Variants in FAM193A observed in about 807,000 individuals in gnomAD.
FAM193A encodes the protein family with sequence similarity 193 member A, also known as protein FAM193A.
FAM193A carries 22 observed loss-of-function variants against 126.5 expected under a neutral mutation model. The ratio of observed to expected loss-of-function variants is 0.17; its 90% confidence interval spans 0.12 to 0.25. The LOEUF is 0.25. FAM193A is among the 10% of genes least tolerant of loss of function. The probability of loss-of-function intolerance (pLI) is 1.00; values close to 1 mark genes in which losing one functional copy is unlikely to be tolerated. For synonymous variants in FAM193A, 761 were observed against 646.8 expected (o/e 1.18, Z -2.68); for missense variants, 1,675 against 1,672.8 (o/e 1.00, Z -0.02).
chr4:2,608,091 A>G, intron 2 of FAM193A: 11 of 1,609,412 alleles, frequency 6.8e-6, no homozygotes, highest in Non-Finnish European at 9.3e-6. Context: ...ATTCACTCCC[A>G]GATTAGTGCT....
intron 19 of FAM193A, among the ~76,000 whole-genome samples, chr4:2,713,369 G>A (rs1332170832): frequency 6.6e-6 from 1 of 152,172 alleles, no homozygotes; most frequent in Non-Finnish European, 1.5e-5. Context: ...TCGTGCCACT[G>A]CACTCCAGCC....
intron 1 of FAM193A, among the ~76,000 whole-genome samples, chr4:2,594,444 C>T (rs1288363295): frequency 1.3e-5 from 2 of 152,162 alleles, no homozygotes; most frequent in Admixed American, 1.3e-4. Context: ...GCCAGAACAG[C>T]GTCAGCTGGG....
Position 2,731,994 on chromosome 4 carries a change from T to TGAAACCCC in FAM193A, c.*127_*134dup. 1 of 760,962 alleles carries TGAAACCCC rather than the reference T, an allele frequency of 1.3e-6. No individual in the cohort carries two copies. The highest frequency in any genetic ancestry group is 1.7e-5 in the African/African-American group (1 of 58,630). 47.1% of individuals were successfully genotyped at this position (760,962 alleles called of 1,614,324 possible). On this transcript the variant is annotated 3_prime_UTR_variant, in exon 21 of 21. Transcript: ENST00000637812. ...AGGGCTGTGCGGAGCTGGTGCTGCC[T>TGAAACCCC]GAAACCCCAGACCGAGAAGTTGATG...
intron 13 of FAM193A, among the ~76,000 whole-genome samples, chr4:2,677,438 T>G (rs183641445): frequency 2.6e-5 from 4 of 152,164 alleles, no homozygotes; most frequent in African/African-American, 9.6e-5. Flanking sequence ...TTTTGTTTTT[T>G]TTGTAGAGAT....
intron 1 of FAM193A, among the ~76,000 whole-genome samples, chr4:2,558,480 CAA>C (rs1263014751): frequency 6.6e-6 from 1 of 152,144 alleles, no homozygotes; most frequent in Admixed American, 6.6e-5. Flanking sequence ...CTCCTAGGCT[CAA>C]GAGATCCTCC....
intron 2 of FAM193A, among the ~76,000 whole-genome samples, chr4:2,605,461 G>T (rs960004652): frequency 2.6e-5 from 4 of 152,070 alleles, no homozygotes; most frequent in African/African-American, 9.7e-5. Flanking sequence ...CATAAATCTT[G>T]TTTCTCTATT....
chr4:2,555,689 C>T (rs1738208179), intron 1 of FAM193A, among the ~76,000 whole-genome samples: 1 of 152,318 alleles, frequency 6.6e-6, no homozygotes, highest in East Asian at 1.9e-4. Flanking sequence ...GCAATCTCGG[C>T]TCGCCGCAAG....
chr4:2,672,874 T>C (rs1713979784), intron 13 of FAM193A, among the ~76,000 whole-genome samples: 1 of 152,106 alleles, frequency 6.6e-6, no homozygotes, highest in Non-Finnish European at 1.5e-5. Context: ...CACAGAAAAC[T>C]ATAACGCCCT....
chr4:2,573,340 C>T (rs151182802), intron 1 of FAM193A, among the ~76,000 whole-genome samples: 23 of 152,036 alleles, frequency 1.5e-4, no homozygotes, highest in African/African-American at 2.4e-4. Context: ...TGGTGAAACC[C>T]GTCTCTACTA....
chr4:2,545,392 AT>A (rs34669440), intron 1 of FAM193A, among the ~76,000 whole-genome samples: 12 of 149,756 alleles, frequency 8.0e-5, no homozygotes, highest in Non-Finnish European at 1.5e-4. Flanking sequence ...GCAGTGGATC[AT>A]TTTTTTTTTC....
chr4:2,642,425 C>T (rs1025154871), intron 6 of FAM193A, among the ~76,000 whole-genome samples: 4 of 152,202 alleles, frequency 2.6e-5, no homozygotes, highest in African/African-American at 9.6e-5. Context: ...TCCTTCCCTT[C>T]TGTGGCCACT....
At chr4:2,697,705 G>A (rs905200334) in intron 18 of FAM193A, among the ~76,000 whole-genome samples, 5 of 152,326 alleles carry the variant, frequency 3.3e-5, no homozygotes, top group African/African-American at 9.6e-5. Context: ...CTCATACCTC[G>A]CAGTCCTACA....
intron 2 of FAM193A, among the ~76,000 whole-genome samples, chr4:2,596,918 T>C (rs771579852): frequency 6.6e-5 from 10 of 152,194 alleles, no homozygotes; most frequent in Non-Finnish European, 1.3e-4. Context: ...TCTGTGCCCT[T>C]TGATTTCTGC....
At chr4:2,687,270 G>T (rs758248231) in intron 13 of FAM193A, among the ~76,000 whole-genome samples, 1 of 152,176 alleles carries the variant, frequency 6.6e-6, no homozygotes, top group Non-Finnish European at 1.5e-5. Flanking sequence ...TCTCTATATA[G>T]TAGTCTCTAA....
intron 2 of FAM193A, among the ~76,000 whole-genome samples, chr4:2,616,002 T>C (rs115998902): frequency 0.029 from 4,389 of 152,234 alleles, 225 homozygotes; most frequent in African/African-American, 0.1. Context: ...GTAGAGACAG[T>C]GTTGCCCAGG....
intron 1 of FAM193A, among the ~76,000 whole-genome samples, chr4:2,565,535 C>T (rs902008440): frequency 6.6e-6 from 1 of 151,812 alleles, no homozygotes; most frequent in Admixed American, 6.6e-5. Context: ...GGATTACAGG[C>T]GTGAGCCACC....
At position 2,596,318 on chromosome 4, in the gene FAM193A, G is replaced by A. The variant is rs1740860046; in HGVS notation, c.490G>A (p.Asp164Asn). ...GAAGGAGGAGAGGCATGGCGGCCTT[G>A]ACCAGCCAGTGGTGAGTGGCTGCCA... ...VEKEERHGGL[D>N]QPVSQDFLLH... The change falls in exon 2 of 21, where the codon GAC becomes AAC. Residue 164 changes from aspartate to asparagine, a missense_variant. Asp to Asn is a conservative substitution (Grantham distance 23). This residue lies in a region of FAM193A where 1,186 missense variants were observed against 1,109.2 expected (regional missense o/e 1.07). Transcript: ENST00000637812. The A allele has an allele frequency of 1.4e-6, 1 of 702,384 alleles. No individual in the cohort carries two copies. Among genetic ancestry groups the A allele is most frequent in the Non-Finnish European group, 2.6e-6 (1 of 384,936 alleles). 43.5% of individuals were successfully genotyped at this position (702,384 alleles called of 1,614,324 possible).
intron 2 of FAM193A, among the ~76,000 whole-genome samples, chr4:2,610,787 G>T (rs2108941835): frequency 6.6e-6 from 1 of 152,210 alleles, no homozygotes; most frequent in South Asian, 2.1e-4. Flanking sequence ...ACCCAGGCTG[G>T]AGTGCAATGG....
chr4:2,618,122 C>CATAT (rs200836451), intron 2 of FAM193A, among the ~76,000 whole-genome samples: 1,600 of 152,234 alleles, frequency 0.011, 32 homozygotes, highest in African/African-American at 0.036. Flanking sequence ...TTTGCTCCTG[C>CATAT]ATATGTAAGG....
Sources: allele counts gnomAD v4.1 joint callset (sites outside exome capture counted in the v4.1 genomes callset), GRCh38; gene constraint gnomAD v4.1.1; regional missense constraint gnomAD v4.1.1; transcripts MANE v1.5; gene names NCBI Gene and HGNC (gene_info 2026-07-23, HGNC 2026-07-21).